The following LRRC20 variants were observed in gnomAD, a reference collection of about 807,000 sequenced individuals.
LRRC20 encodes the protein leucine rich repeat containing 20, also known as leucine-rich repeat-containing protein 20.
Under a neutral mutation model 14.4 loss-of-function variants are expected in LRRC20, and 11 were observed. The observed-to-expected ratio is 0.77, with a 90% CI of 0.48 to 1.27. LRRC20 has a LOEUF of 1.27. Ranked by LOEUF, LRRC20 falls within the 50% of genes most tolerant of loss-of-function variation. The pLI is 0.00. For synonymous variants in LRRC20, 121 were observed against 107.3 expected (o/e 1.13, Z -0.79); for missense variants, 219 against 251.2 (o/e 0.87, Z 0.87).
intron 2 of LRRC20, among the ~76,000 whole-genome samples, chr10:70,361,059 A>G (rs980463030): frequency 6.6e-6 from 1 of 151,538 alleles, no homozygotes; most frequent in Non-Finnish European, 1.5e-5. Flanking sequence ...AAAAAAAAAA[A>G]AAAAAGAGAG....
rs1229822876 is a variant in LRRC20, at chr10:70,323,865, A to G, written c.398T>C (p.Val133Ala). ...CCAGGTGGGCCAGGCCCACTCACCT[A>G]CGATCTCGTTCTCCTCCAGGTTGAT... ...ETINLEENEI[V>A]DVPVEKLAAM... Residue 133 changes from valine (V) to alanine (A), a missense_variant and splice_region_variant, in exon 4 of 5, where the codon GTA becomes GCA. Val to Ala is a moderately conservative substitution (Grantham distance 64). Transcript: ENST00000446961. The G allele has an allele frequency of 6.2e-7, 1 of 1,614,062 alleles. No individual in the cohort carries two copies. The highest frequency in any genetic ancestry group is 1.1e-5 in the South Asian group (1 of 91,086).
intron 4 of LRRC20, among the ~76,000 whole-genome samples, chr10:70,314,786 G>A (rs1448097857): frequency 6.6e-6 from 1 of 152,202 alleles, no homozygotes; most frequent in Non-Finnish European, 1.5e-5. Context: ...GTTGACAGGA[G>A]CTAGCAGGAG....
rs1841183325 is a variant in LRRC20 at position 70,301,516 on chromosome 10, G to A, written c.401-8C>T. On this transcript the variant is annotated splice_polypyrimidine_tract_variant and splice_region_variant and intron_variant, in intron 4 of 4. Transcript: ENST00000446961. ...GCTTCTCCACGGGCACATCTATTGG[G>A]GACAGAATGGACAGGTTAGAGTGGT... 5 of 1,613,396 alleles carry A rather than the reference G, an allele frequency of 3.1e-6. No homozygotes were observed. The highest frequency in any genetic ancestry group is 4.2e-6 in the Non-Finnish European group (5 of 1,179,812).
At chr10:70,314,586 C>T (rs1003942988) in intron 4 of LRRC20, among the ~76,000 whole-genome samples, 5 of 152,110 alleles carry the variant, frequency 3.3e-5, no homozygotes, top group African/African-American at 1.2e-4. Flanking sequence ...CGAATCCCAC[C>T]ATCAGAGACT....
intron 2 of LRRC20, among the ~76,000 whole-genome samples, chr10:70,367,624 A>G (rs1003185704): frequency 5.3e-5 from 8 of 152,106 alleles, no homozygotes; most frequent in African/African-American, 1.9e-4. Context: ...CTATCATTCC[A>G]TTTCCATGAT....
At chr10:70,359,718 T>C (rs1843650552) in intron 2 of LRRC20, among the ~76,000 whole-genome samples, 1 of 152,212 alleles carries the variant, frequency 6.6e-6, no homozygotes, top group East Asian at 1.9e-4. Flanking sequence ...ACTCCCTTTA[T>C]TTTTCCACCT....
intron 4 of LRRC20, among the ~76,000 whole-genome samples, chr10:70,305,289 G>T (rs61858209): frequency 9.9e-5 from 15 of 152,176 alleles, no homozygotes; most frequent in Non-Finnish European, 2.1e-4. Flanking sequence ...CCATCGCTTG[G>T]CTATGATGAA....
intron 3 of LRRC20, among the ~76,000 whole-genome samples, chr10:70,340,026 C>T (rs1359487728): frequency 6.6e-6 from 1 of 151,638 alleles, no homozygotes; most frequent in Non-Finnish European, 1.5e-5. Context: ...GAGGCTGAGG[C>T]AGGAGAATCG....
intron 2 of LRRC20, among the ~76,000 whole-genome samples, chr10:70,360,645 A>G (rs1436158077): frequency 6.6e-6 from 1 of 151,810 alleles, no homozygotes; most frequent in African/African-American, 2.4e-5. Context: ...GTCTCACTAT[A>G]TGGCCTAGGC....
intron 3 of LRRC20, 48 bp downstream of exon 3, chr10:70,340,505 C>T (rs753777960): frequency 3.7e-6 from 6 of 1,610,032 alleles, no homozygotes; most frequent in African/African-American, 2.7e-5. Context: ...AGAGCCTGAA[C>T]GATGAGAGCT....
At chr10:70,382,503 C>A (rs1434078326) in intron 1 of LRRC20, 46 bp downstream of exon 1, 3 of 152,332 alleles carry the variant, frequency 2.0e-5, no homozygotes, top group African/African-American at 4.8e-5. Context: ...CTTTGCGGGG[C>A]AAGAAGCGTG....
intron 4 of LRRC20, among the ~76,000 whole-genome samples, chr10:70,302,616 T>C (rs1218510080): frequency 1.3e-5 from 2 of 152,198 alleles, no homozygotes; most frequent in African/African-American, 4.8e-5. Flanking sequence ...AGCCAGGCTA[T>C]AGTCTCAGCT....
intron 4 of LRRC20, among the ~76,000 whole-genome samples, chr10:70,311,216 C>T (rs1841644762): frequency 7.5e-6 from 1 of 133,484 alleles, no homozygotes. Context: ...TTGTTTTCAA[C>T]ATTCCATTTT....
Position 70,300,991 on chromosome 10 carries a change from G to A in LRRC20, c.*363C>T. ...CTGGCAATGCCCACCTGTGCCTGCTGATCTGGAGGTAACTTGGAGGCACGT... is the reference window on the plus strand; with the variant it reads ...CTGGCAATGCCCACCTGTGCCTGCTAATCTGGAGGTAACTTGGAGGCACGT... On this transcript the variant is annotated 3_prime_UTR_variant, in exon 5 of 5. Transcript: ENST00000446961. 9.7e-7 allele frequency: 1 copy of A among 1,027,018 alleles called. No individual in the cohort carries two copies. The highest frequency in any genetic ancestry group is 4.5e-5 in the South Asian group (1 of 22,320). The allele number at this position is 1,027,018 out of a possible 1,614,324, so 63.6% of individuals were successfully genotyped here.
chr10:70,365,757 C>T (rs551834053), intron 2 of LRRC20, among the ~76,000 whole-genome samples: 91 of 151,916 alleles, frequency 6.0e-4, no homozygotes, highest in African/African-American at 2.1e-3. Context: ...GCAAAAGATT[C>T]GAATAGAGAT....
In LRRC20 at chr10:70,300,375, G is replaced by A; in HGVS notation, c.*979C>T. 1.0e-6 allele frequency: 1 copy of A among 985,452 alleles called. No homozygotes were observed. The highest frequency in any genetic ancestry group is 1.7e-5 in the African/African-American group (1 of 57,352). The allele number at this position is 985,452 out of a possible 1,614,324, so 61.0% of individuals were successfully genotyped here. On this transcript the variant is annotated 3_prime_UTR_variant, in exon 5 of 5. Coordinates refer to ENST00000446961, the MANE Select transcript of LRRC20 (RefSeq NM_001278212.2). ...CATACCCTAAGATGCCAGGTTGAGG[G>A]CCTCAGAAGAACCAGGTCATCAGGG...
intron 2 of LRRC20, among the ~76,000 whole-genome samples, chr10:70,371,301 CT>C (rs1157101206): frequency 6.6e-6 from 1 of 151,824 alleles, no homozygotes; most frequent in Non-Finnish European, 1.5e-5. Context: ...CTGCACCTGG[CT>C]AATTTTTTAA....
chr10:70,311,382 C>A (rs957190621), intron 4 of LRRC20, among the ~76,000 whole-genome samples: 1 of 152,008 alleles, frequency 6.6e-6, no homozygotes, highest in Non-Finnish European at 1.5e-5. Flanking sequence ...CCACCACACC[C>A]AGCTAATTTT....
intron 2 of LRRC20, among the ~76,000 whole-genome samples, chr10:70,353,690 G>A (rs1313518500): frequency 6.6e-6 from 1 of 152,180 alleles, no homozygotes; most frequent in Non-Finnish European, 1.5e-5. Context: ...TACTATTCCT[G>A]TTGTACAGAG....
Sources: allele counts gnomAD v4.1 joint callset (sites outside exome capture counted in the v4.1 genomes callset), GRCh38; gene constraint gnomAD v4.1.1; transcripts MANE v1.5; gene names NCBI Gene and HGNC (gene_info 2026-07-23, HGNC 2026-07-21).